UBN1: variants seen among roughly 807,000 people sequenced by gnomAD.
The protein encoded by UBN1 is ubinuclein-1.
Under a neutral mutation model 108.5 loss-of-function variants are expected in UBN1, and 17 were observed. The ratio of observed to expected loss-of-function variants is 0.16; its 90% CI spans 0.11 to 0.24. UBN1 has a LOEUF of 0.24. Among genes scored for constraint, UBN1 ranks in the 10% least tolerant of loss-of-function variants. The pLI is 1.00. For missense variants in UBN1, 1,595 were observed against 1,394.4 expected, an observed-to-expected ratio of 1.14 and a Z score of -2.29; for synonymous variants, 726 against 564.2, an observed-to-expected ratio of 1.29 and a Z score of -4.07.
At chr16:4,862,724 T>G (rs1356201666) in intron 7 of UBN1, among the ~76,000 whole-genome samples, 1 of 152,224 alleles carries the variant, frequency 6.6e-6, no homozygotes, top group African/African-American at 2.4e-5. Context: ...AACTTACTGT[T>G]TCACTTTCTT....
At chr16:4,873,779 G>A (rs1198929402) in intron 14 of UBN1, among the ~76,000 whole-genome samples, 13 of 152,204 alleles carry the variant, frequency 8.5e-5, no homozygotes, top group Admixed American at 8.5e-4. Context: ...AGTCTGAGGA[G>A]ATGGGTGCTG....
intron 2 of UBN1, among the ~76,000 whole-genome samples, chr16:4,854,227 G>A (rs1311444895): frequency 1.3e-5 from 2 of 151,480 alleles, no homozygotes; most frequent in African/African-American, 4.9e-5. Context: ...TAGAGACAGC[G>A]TTTCAATGTG....
At chr16:4,853,250 CAAGACTT>C (rs2086638647) in intron 2 of UBN1, 84 bp downstream of exon 2, 2 of 1,521,180 alleles carry the variant, frequency 1.3e-6, no homozygotes, top group East Asian at 4.5e-5. Context: ...AGCGGGGAAG[CAAGACTT>C]AACTGAGGTT....
rs759350110 is a variant in UBN1 at position 4,858,005 on chromosome 16, G to A, written c.265G>A (p.Asp89Asn). The change falls in exon 3 of 18, where the codon GAT (aspartate) becomes AAT (asparagine). Residue 89 changes from aspartate (D) to asparagine (N), a missense_variant. Around this residue, in one of 3 missense-constraint regions of UBN1, gnomAD observed 181 missense variants for 157.3 expected, o/e 1.15. Transcript: ENST00000262376. ...QPGDKKKDLS[D>N]PFNDEEKERH... ...CTCTTTACAGAAGAAAGATCTGTCA[G>A]ATCCTTTCAATGACGAAGAAAAGGA... The A allele has an allele frequency of 9.3e-6, 15 of 1,612,568 alleles. No homozygotes were observed. Among genetic ancestry groups the A allele is most frequent in the Admixed American group, 1.7e-5 (1 of 59,752 alleles).
chr16:4,858,483 G>C, intron 3 of UBN1, 85 bp from the exon 4 acceptor site: 1 of 1,226,962 alleles, frequency 8.2e-7, no homozygotes. Flanking sequence ...TTACCTCTTT[G>C]AGTCATAGCT....
At chr16:4,876,594 C>T (rs1429825936) in intron 15 of UBN1, among the ~76,000 whole-genome samples, 1 of 151,660 alleles carries the variant, frequency 6.6e-6, no homozygotes, top group East Asian at 1.9e-4. Flanking sequence ...GTAGCGCGAT[C>T]ACAGCTCACT....
In UBN1 at chr16:4,874,813, C is replaced by T. The variant is rs749632926; in HGVS notation, c.2403C>T (p.Gly801=). 3.0e-5 allele frequency: 48 copies of T among 1,613,868 alleles called. No individual in the cohort carries two copies. In the Admixed American group the frequency reaches 3.0e-4, roughly 10 times the overall value. The part of the protein sequence containing the change: ...HGPQVAVPVP[G]PQVKVFHAGT... ...CCCAAGTGGCAGTTCCTGTGCCTGG[C>T]CCCCAGGTCAAAGTCTTTCATGCCG... is the stretch of plus-strand genomic sequence containing the variant. The change falls in exon 15 of 18, where the codon GGC becomes GGT. Residue 801 remains glycine, a synonymous_variant. Transcript: ENST00000262376.
At chr16:4,857,837 A>G (rs1484658459) in intron 2 of UBN1, among the ~76,000 whole-genome samples, 153 bp from the exon 3 acceptor site, 1 of 152,192 alleles carries the variant, frequency 6.6e-6, no homozygotes, top group African/African-American at 2.4e-5. Flanking sequence ...CTTAATTAAG[A>G]TAAACATTGA....
At chr16:4,856,206 C>T (rs1162823850) in intron 2 of UBN1, among the ~76,000 whole-genome samples, 1 of 152,208 alleles carries the variant, frequency 6.6e-6, no homozygotes. Flanking sequence ...CTCCAGTGCT[C>T]TGATGTCACC....
intron 7 of UBN1, among the ~76,000 whole-genome samples, chr16:4,867,215 C>G (rs553650790): frequency 6.6e-6 from 1 of 152,266 alleles, no homozygotes; most frequent in Admixed American, 6.5e-5. Flanking sequence ...GTGGGGAACA[C>G]AGGGGAAGAG....
intron 8 of UBN1, 115 bp from the exon 9 acceptor site, chr16:4,870,097 C>G (rs45553841): frequency 8.7e-6 from 13 of 1,493,192 alleles, no homozygotes; most frequent in East Asian, 4.6e-5. Flanking sequence ...GTGTGACCAA[C>G]AAGACAGGGT....
intron 8 of UBN1, among the ~76,000 whole-genome samples, 179 bp from the exon 9 acceptor site, chr16:4,870,033 T>A (rs2087543129): frequency 6.6e-6 from 1 of 152,114 alleles, no homozygotes; most frequent in Admixed American, 6.6e-5. Context: ...GCTTGGGAGT[T>A]GTTGTTGTTT....
At chr16:4,875,478 G>A (rs750553604) in intron 15 of UBN1, 44 bp downstream of exon 15, 1 of 1,560,520 alleles carries the variant, frequency 6.4e-7, no homozygotes, top group Admixed American at 1.9e-5. Flanking sequence ...ACTCACAGGG[G>A]CCTTGGGGAT....
intron 1 of UBN1, among the ~76,000 whole-genome samples, chr16:4,850,179 A>G (rs1317729617): frequency 1.3e-5 from 2 of 152,168 alleles, no homozygotes; most frequent in Non-Finnish European, 2.9e-5. Flanking sequence ...AGAACATTAT[A>G]ATGATTATAA....
intron 12 of UBN1, among the ~76,000 whole-genome samples, chr16:4,871,591 T>C (rs2087636637): frequency 7.5e-6 from 1 of 133,320 alleles, no homozygotes; most frequent in African/African-American, 3.0e-5. Context: ...TTTTTTTTTT[T>C]TTTTTTTTTT....
Position 4,874,434 on chromosome 16 carries a change from C to T in UBN1, c.2024C>T (p.Ala675Val), listed in dbSNP as rs141042082. 3.7e-6 allele frequency: 6 copies of T among 1,614,030 alleles called. No homozygotes were observed. Among genetic ancestry groups the T allele is most frequent in the African/African-American group, 2.7e-5 (2 of 74,928 alleles). ...LIRNPASSVE[A>V]VSKELAALNS... ...CGCAATCCAGCCTCCTCGGTGGAAG[C>T]CGTGTCCAAGGAATTGGCTGCATTG... is the stretch of plus-strand genomic sequence containing the variant. Residue 675 changes from alanine (A) to valine (V), a missense_variant, in exon 15 of 18, where the codon GCC becomes GTC. Coordinates refer to ENST00000262376, the MANE Select transcript of UBN1 (RefSeq NM_001079514.3).
chr16:4,859,355 G>A (rs1005741823), intron 5 of UBN1, among the ~76,000 whole-genome samples, 196 bp downstream of exon 5: 5 of 152,184 alleles, frequency 3.3e-5, no homozygotes, highest in African/African-American at 1.2e-4. Flanking sequence ...GCTCTGTTCA[G>A]CACTTGGTCA....
chr16:4,851,801 A>G (rs1243296344), intron 1 of UBN1, among the ~76,000 whole-genome samples: 2 of 152,118 alleles, frequency 1.3e-5, no homozygotes. Context: ...TAGCCTGGAT[A>G]TAACAGCGAG....
In UBN1 at chr16:4,875,260, C is replaced by T; in HGVS notation, c.2850C>T (p.Val950=). ...PSVGQATSRP[V]PSSAGKKMPV... ...TGGGACAGGCCACCAGCCGACCCGT[C>T]CCAAGTTCAGCAGGGAAAAAAATGC... The change falls in exon 15 of 18, where the codon GTC becomes GTT. Residue 950 remains valine, a synonymous_variant. Coordinates refer to ENST00000262376, the MANE Select transcript of UBN1 (RefSeq NM_001079514.3). 2 of 1,614,254 alleles carry T rather than the reference C, an allele frequency of 1.2e-6. No homozygotes were observed. The highest frequency in any genetic ancestry group is 1.7e-6 in the Non-Finnish European group (2 of 1,180,050).
Sources: allele counts gnomAD v4.1 joint callset (sites outside exome capture counted in the v4.1 genomes callset), GRCh38; gene constraint gnomAD v4.1.1; regional missense constraint gnomAD v4.1.1; transcripts MANE v1.5; gene names NCBI Gene and HGNC (gene_info 2026-07-23, HGNC 2026-07-21).